Variants in ROBO1 observed in about 807,000 individuals in gnomAD.
The protein encoded by ROBO1 is roundabout homolog 1.
A neutral mutation model predicts 195.9 loss-of-function variants in ROBO1; 149 were observed. That is an observed-to-expected ratio of 0.76 (90% CI 0.67 to 0.87). The LOEUF (loss-of-function observed/expected upper bound fraction) is 0.87, where lower values mean the gene tolerates loss of function less well. Ranked by LOEUF, ROBO1 falls within the 40% of genes least tolerant of loss-of-function variation. The pLI is 0.00. For missense variants in ROBO1, 1,933 were observed against 2,068.3 expected, an observed-to-expected ratio of 0.93 and a Z score of 1.27; for synonymous variants, 816 against 733.2, an observed-to-expected ratio of 1.11 and a Z score of -1.82.
rs2079243241 is a variant in ROBO1, at chr3:79,080,045, A to G, written c.172+45411T>C. Among the ~76,000 whole-genome samples the G allele has an allele frequency of 3.9e-5, 6 of 151,966 alleles. No individual in the cohort carries two copies. The South Asian group carries it at 1.2e-3, about 31-fold the overall frequency. On this transcript the variant is annotated intron_variant, in intron 3 of 30. Transcript: ENST00000464233. The stretch of plus-strand genomic sequence containing the variant: ...AAAGTTTATATATATTATTAAAAAG[A>G]ACAAGAATATAAACAAGATGATAAT...
intron 1 of ROBO1, among the ~76,000 whole-genome samples, chr3:79,638,143 A>G (rs1945550974): frequency 6.6e-6 from 1 of 152,208 alleles, no homozygotes; most frequent in South Asian, 2.1e-4. Context: ...GGCAGCCACT[A>G]AAGTTGGCAT....
chr3:79,204,115 G>T (rs2081820130), intron 2 of ROBO1, among the ~76,000 whole-genome samples: 1 of 152,058 alleles, frequency 6.6e-6, no homozygotes, highest in Admixed American at 6.6e-5. Flanking sequence ...ACATATTTTT[G>T]AGGTAGATAT....
intron 4 of ROBO1, among the ~76,000 whole-genome samples, chr3:78,769,407 GCATGAAATGC>G (rs2083309938): frequency 6.6e-6 from 1 of 152,034 alleles, no homozygotes; most frequent in Non-Finnish European, 1.5e-5. Context: ...GTGTCCATTT[GCATGAAATGC>G]CTTTTTCCAC....
At chr3:78,822,172 C>T (rs990136752) in intron 4 of ROBO1, among the ~76,000 whole-genome samples, 14 of 151,790 alleles carry the variant, frequency 9.2e-5, no homozygotes, top group Middle Eastern at 3.2e-3. Flanking sequence ...TTCACAGGAA[C>T]CTATATGCAC....
At chr3:79,509,865 T>A (rs1192910186) in intron 2 of ROBO1, among the ~76,000 whole-genome samples, 1 of 152,164 alleles carries the variant, frequency 6.6e-6, no homozygotes, top group Non-Finnish European at 1.5e-5. Flanking sequence ...TAATAATAAA[T>A]TTTCTGATTT....
At chr3:78,997,665 A>C (rs1462050491) in intron 3 of ROBO1, among the ~76,000 whole-genome samples, 1 of 152,136 alleles carries the variant, frequency 6.6e-6, no homozygotes, top group African/African-American at 2.4e-5. Context: ...TCTTACAGTA[A>C]AGACATGTAC....
At chr3:78,750,448 A>T (rs553531766) in intron 4 of ROBO1, among the ~76,000 whole-genome samples, 212 of 138,252 alleles carry the variant, frequency 1.5e-3, no homozygotes, top group Non-Finnish European at 1.4e-3. Flanking sequence ...GCAAGACTCC[A>T]TCTCAAAAAT....
At chr3:79,667,883 A>C (rs1185822694) in intron 1 of ROBO1, among the ~76,000 whole-genome samples, 1 of 151,852 alleles carries the variant, frequency 6.6e-6, no homozygotes, top group Non-Finnish European at 1.5e-5. Context: ...CACTCAAAAA[A>C]AAATCTCATT....
At chr3:78,861,723 C>T (rs1454624675) in intron 4 of ROBO1, among the ~76,000 whole-genome samples, 1 of 152,172 alleles carries the variant, frequency 6.6e-6, no homozygotes, top group Non-Finnish European at 1.5e-5. Context: ...CTTTTCTTCC[C>T]ATTAGAAATA....
chr3:78,715,227 C>A (rs1245208890), intron 7 of ROBO1: 1 of 152,194 alleles, frequency 6.6e-6, no homozygotes, highest in Non-Finnish European at 1.5e-5. Context: ...TTAGACATCA[C>A]ATCCCATAGG....
intron 3 of ROBO1, among the ~76,000 whole-genome samples, chr3:79,064,856 T>G (rs2078979130): frequency 6.6e-6 from 1 of 151,948 alleles, no homozygotes; most frequent in Non-Finnish European, 1.5e-5. Context: ...CTTCATGTTT[T>G]TCCTCAAATA....
At chr3:78,774,349 C>T (rs1182303589) in intron 4 of ROBO1, among the ~76,000 whole-genome samples, 2 of 150,640 alleles carry the variant, frequency 1.3e-5, no homozygotes, top group African/African-American at 2.4e-5. Context: ...CTCGCTCTAT[C>T]GCCCAGGCTT....
At chr3:79,326,921 T>G (rs953497495) in intron 2 of ROBO1, among the ~76,000 whole-genome samples, 1 of 152,188 alleles carries the variant, frequency 6.6e-6, no homozygotes, top group Non-Finnish European at 1.5e-5. Flanking sequence ...GCTGAACTTC[T>G]TGGGCTCAAA....
intron 2 of ROBO1, among the ~76,000 whole-genome samples, chr3:79,565,244 A>G (rs555824298): frequency 6.2e-4 from 95 of 152,064 alleles, no homozygotes; most frequent in Non-Finnish European, 1.3e-3. Flanking sequence ...ATTGAGGCAC[A>G]GTCTTAACCA....
At chr3:78,602,350 C>T (rs1375668925) in intron 29 of ROBO1, among the ~76,000 whole-genome samples, 2 of 152,092 alleles carry the variant, frequency 1.3e-5, no homozygotes, top group Non-Finnish European at 2.9e-5. Flanking sequence ...CTTCACCTTC[C>T]GCCATGATTC....
chr3:79,637,323 A>G (rs192626643), intron 1 of ROBO1, among the ~76,000 whole-genome samples: 78 of 152,010 alleles, frequency 5.1e-4, no homozygotes, highest in African/African-American at 1.6e-3. Flanking sequence ...AAACATTTAT[A>G]TGACAAACTT....
At chr3:79,636,158 GT>G (rs1050676945) in intron 1 of ROBO1, among the ~76,000 whole-genome samples, 2 of 152,076 alleles carry the variant, frequency 1.3e-5, no homozygotes, top group African/African-American at 4.8e-5. Flanking sequence ...GATAATTTCA[GT>G]ATAGAATAAT....
At chr3:79,660,727 G>A (rs1946304262) in intron 1 of ROBO1, among the ~76,000 whole-genome samples, 1 of 152,058 alleles carries the variant, frequency 6.6e-6, no homozygotes, top group Admixed American at 6.6e-5. Flanking sequence ...TACCACCCAG[G>A]TGATCAATTT....
chr3:79,750,097 C>T (rs1022256037), intron 1 of ROBO1, among the ~76,000 whole-genome samples: 5 of 152,200 alleles, frequency 3.3e-5, no homozygotes, highest in African/African-American at 7.2e-5. Flanking sequence ...CATGGGAACA[C>T]GACTCTTGCA....
Sources: allele counts gnomAD v4.1 joint callset (sites outside exome capture counted in the v4.1 genomes callset), GRCh38; gene constraint gnomAD v4.1.1; transcripts MANE v1.5; gene names NCBI Gene and HGNC (gene_info 2026-07-23, HGNC 2026-07-21).